The following STAB1 variants were observed in gnomAD, a reference collection of about 807,000 sequenced individuals.
The protein encoded by STAB1 is stabilin-1.
STAB1 carries 250 observed loss-of-function variants against 332.4 expected under a neutral mutation model. The observed-to-expected ratio is 0.75, with a 90% CI of 0.68 to 0.84. The LOEUF (loss-of-function observed/expected upper bound fraction) is 0.84. Ranked by LOEUF, STAB1 falls within the 40% of genes least tolerant of loss-of-function variation. The pLI is 0.00. For synonymous variants in STAB1, 1,475 were observed against 1,390.4 expected (o/e 1.06, Z -1.35); for missense variants, 3,249 against 3,489.7 (o/e 0.93, Z 1.74).
chr3:52,509,418 G>A (rs529078936), intron 22 of STAB1, 97 bp downstream of exon 22: 1 of 1,095,196 alleles, frequency 9.1e-7, no homozygotes, highest in African/African-American at 1.6e-5. Flanking sequence ...AGCCCCAGGA[G>A]GAGGGACGAA....
intron 5 of STAB1, among the ~76,000 whole-genome samples, 194 bp downstream of exon 5, chr3:52,502,422 C>T (rs901542160): frequency 1.3e-5 from 2 of 152,224 alleles, no homozygotes; most frequent in Non-Finnish European, 2.9e-5. Context: ...CCCTGAGAGG[C>T]CTTCTCCAGG....
chr3:52,513,348 G>T, intron 30 of STAB1, 107 bp downstream of exon 30: 5 of 1,097,910 alleles, frequency 4.6e-6, no homozygotes, highest in Non-Finnish European at 6.5e-6. Flanking sequence ...TGAGATTGGG[G>T]TCCCCTCGCC....
chr3:52,519,780 G>T, intron 50 of STAB1, 164 bp from the exon 51 acceptor site: 1 of 1,142,574 alleles, frequency 8.8e-7, no homozygotes, highest in Non-Finnish European at 1.2e-6. Flanking sequence ...CCTGACAGCA[G>T]TGTGCACAGT....
Position 52,514,171 on chromosome 3 carries a change from C to T in STAB1, c.3504C>T (p.Pro1168=). Residue 1168 remains proline, a synonymous_variant, in exon 33 of 69, where the codon CCC becomes CCT. Coordinates refer to ENST00000321725, the MANE Select transcript of STAB1 (RefSeq NM_015136.3). The stretch of plus-strand genomic sequence containing the variant: ...CCACTGCCTACACCATCTTTGTGCC[C>T]ACCAACCGCTCCCTGGAGGCCCAGG... ...EAATAYTIFV[P]TNRSLEAQGN... 6.2e-7 allele frequency: 1 copy of T among 1,613,414 alleles called. No homozygotes were observed.
In STAB1 at chr3:52,523,755, C is replaced by T. The variant is rs1243317225; in HGVS notation, c.7394C>T (p.Pro2465Leu). The T allele has an allele frequency of 6.3e-7, 1 of 1,597,478 alleles. No individual in the cohort carries two copies. Among genetic ancestry groups the T allele is most frequent in the Non-Finnish European group, 8.6e-7 (1 of 1,167,656 alleles). Residue 2465 changes from proline to leucine, a missense_variant and splice_region_variant, in exon 66 of 69, where the codon CCC becomes CTC. By Grantham distance (98) the Pro-to-Leu change is moderately conservative. Coordinates refer to ENST00000321725, the MANE Select transcript of STAB1 (RefSeq NM_015136.3). ...LASPLLAPPQ[P>L]QAVLAPEAPP... is the part of the protein sequence containing the mutation. ...AGCCCCCTCCTGGCACCCCCACAGC[C>T]CGTGAGTTGAGGAAGGGGGAGGCAG...
At chr3:52,515,543 GAGA>G in intron 37 of STAB1, 37 bp downstream of exon 37, 1 of 1,609,564 alleles carries the variant, frequency 6.2e-7, no homozygotes. Context: ...CCTGTCCAGA[GAGA>G]AGGAGGTGGG....
rs569512423 is a variant in STAB1 at position 52,523,218 on chromosome 3, C to G, written c.7021-4C>G. On this transcript the variant is annotated splice_region_variant and splice_polypyrimidine_tract_variant and intron_variant, in intron 63 of 68. Transcript: ENST00000321725. ...CTCATAGTTCTGTCTTTCCACCGTG[C>G]CAGATGCTATTGGGCTATGCCAATG... The G allele has an allele frequency of 6.8e-6, 11 of 1,613,092 alleles. No individual in the cohort carries two copies. The African/African-American group carries it at 1.3e-4, about 20-fold the overall frequency.
At chr3:52,504,624 C>T in intron 11 of STAB1, 75 bp downstream of exon 11, 1 of 1,611,296 alleles carries the variant, frequency 6.2e-7, no homozygotes, top group South Asian at 1.1e-5. Flanking sequence ...GTCTTCAGGG[C>T]CACCTGGAAG....
chr3:52,523,205 T>C lies in STAB1; in HGVS notation c.7021-17T>C, dbSNP rs2079138699. 1 of 1,612,900 alleles carries C rather than the reference T, an allele frequency of 6.2e-7. No homozygotes were observed. Among genetic ancestry groups the C allele is most frequent in the Non-Finnish European group, 8.5e-7 (1 of 1,179,960 alleles). ...AGGAGGGAGCCTGCTCATAGTTCTG[T>C]CTTTCCACCGTGCCAGATGCTATTG... is the stretch of plus-strand genomic sequence containing the variant. On this transcript the variant is annotated splice_polypyrimidine_tract_variant and intron_variant, in intron 63 of 68. Transcript: ENST00000321725.
intron 1 of STAB1, among the ~76,000 whole-genome samples, chr3:52,498,194 C>T (rs565016598): frequency 1.3e-5 from 2 of 152,362 alleles, no homozygotes; most frequent in East Asian, 1.9e-4. Flanking sequence ...CTTCACACTT[C>T]GTGTCTCCTC....
rs2079131776 is a variant in STAB1 at position 52,523,086 on chromosome 3, G to A, written c.6972G>A (p.Lys2324=). 6.4e-7 allele frequency: 1 copy of A among 1,571,794 alleles called. No individual in the cohort carries two copies. The highest frequency in any genetic ancestry group is 1.2e-5 in the South Asian group (1 of 83,044). ...VGDGISTCNG[K]LLDVLAATAN... ...ACGGGATCAGCACGTGCAATGGGAA[G>A]CTGCTGGATGTGCTGGCTGCCACTG... is the stretch of plus-strand genomic sequence containing the variant. The change falls in exon 63 of 69, where the codon AAG becomes AAA. Residue 2324 remains lysine (K), a synonymous_variant. Coordinates refer to ENST00000321725, the MANE Select transcript of STAB1 (RefSeq NM_015136.3).
At chr3:52,519,678 G>A in intron 50 of STAB1, 114 bp downstream of exon 50, 1 of 1,445,758 alleles carries the variant, frequency 6.9e-7, no homozygotes, top group African/African-American at 1.4e-5. Flanking sequence ...TGTCCCGTGT[G>A]AGCCTGTGTG....
chr3:52,521,226 A>C, intron 55 of STAB1, 135 bp from the exon 56 acceptor site: 1 of 1,301,972 alleles, frequency 7.7e-7, no homozygotes, highest in African/African-American at 1.4e-5. Flanking sequence ...GTTCTCCAGG[A>C]CATGGGCCTG....
intron 63 of STAB1, 31 bp downstream of exon 63, chr3:52,523,165 G>C: frequency 6.2e-7 from 1 of 1,610,890 alleles, no homozygotes; most frequent in Non-Finnish European, 8.5e-7. Context: ...GGGGCGGGGG[G>C]TGCTGGGATC....
At chr3:52,516,331 C>T (rs1227955145) in intron 38 of STAB1, 25 bp from the exon 39 acceptor site, 2 of 1,605,162 alleles carry the variant, frequency 1.2e-6, no homozygotes, top group Non-Finnish European at 1.7e-6. Flanking sequence ...CTGGGCAACT[C>T]CTATCCTCCT....
At chr3:52,524,260 GC>G in intron 68 of STAB1, 39 bp from the exon 69 acceptor site, 1 of 1,613,914 alleles carries the variant, frequency 6.2e-7, no homozygotes, top group Non-Finnish European at 8.5e-7. Context: ...ATGGGCCCAG[GC>G]CCTGGTCACA....
intron 10 of STAB1, 149 bp downstream of exon 10, chr3:52,504,304 G>C: frequency 7.0e-7 from 1 of 1,428,258 alleles, no homozygotes; most frequent in East Asian, 2.5e-5. Flanking sequence ...GCAGGGGGTG[G>C]GAGCTGCTCT....
chr3:52,508,976 A>T (rs1013814072), intron 21 of STAB1, among the ~76,000 whole-genome samples: 6 of 152,164 alleles, frequency 3.9e-5, no homozygotes, highest in Admixed American at 3.9e-4. Context: ...ATAGAAGAAC[A>T]CAGGAGTTAT....
chr3:52,506,466 G>A (rs1163412787), intron 17 of STAB1, among the ~76,000 whole-genome samples: 9 of 152,236 alleles, frequency 5.9e-5, no homozygotes, highest in South Asian at 2.1e-4. Flanking sequence ...TGGAGCACAC[G>A]GTAGGGCTGC....
Sources: allele counts gnomAD v4.1 joint callset (sites outside exome capture counted in the v4.1 genomes callset), GRCh38; gene constraint gnomAD v4.1.1; transcripts MANE v1.5; gene names NCBI Gene and HGNC (gene_info 2026-07-23, HGNC 2026-07-21).